The following CYP4F22 variants were observed in gnomAD, a reference collection of about 807,000 sequenced individuals.
CYP4F22 encodes cytochrome P450 family 4 subfamily F member 22.
Under a neutral mutation model 60.4 loss-of-function variants are expected in CYP4F22, and 37 were observed. That is an observed-to-expected ratio of 0.61 (90% CI 0.47 to 0.81). The LOEUF is 0.81. CYP4F22 is among the 30% of genes least tolerant of loss of function. The probability of loss-of-function intolerance (pLI) is 0.00; values close to 1 mark genes in which losing one functional copy is unlikely to be tolerated. For missense variants in CYP4F22, 655 were observed against 715.0 expected, an observed-to-expected ratio of 0.92 and a Z score of 0.96; for synonymous variants, 258 against 280.5, an observed-to-expected ratio of 0.92 and a Z score of 0.80.
chr19:15,537,421 G>A lies in CYP4F22; in HGVS notation c.421+7G>A, dbSNP rs1376036630. 2 of 1,614,216 alleles carry A rather than the reference G, an allele frequency of 1.2e-6. No individual in the cohort carries two copies. Among genetic ancestry groups the A allele is most frequent in the Non-Finnish European group, 8.5e-7 (1 of 1,180,026 alleles). ...TTCCTAAAACCTTGGCTAGGTGAGTGCCCAGTGGGTAGGCTGGGGCTGGGG... is the reference window on the plus strand; with the variant it reads ...TTCCTAAAACCTTGGCTAGGTGAGTACCCAGTGGGTAGGCTGGGGCTGGGG... On this transcript the variant is annotated splice_region_variant and intron_variant, in intron 5 of 13. Transcript: ENST00000269703.
chr19:15,519,475 C>G (rs564599950), intron 1 of CYP4F22, among the ~76,000 whole-genome samples: 1 of 152,228 alleles, frequency 6.6e-6, no homozygotes, highest in East Asian at 1.9e-4. Context: ...GTTGGCCAGG[C>G]TGGTCTCGAA....
intron 1 of CYP4F22, among the ~76,000 whole-genome samples, chr19:15,509,894 TTCCTTCCTTC>T (rs1223850394): frequency 0.022 from 2,602 of 118,686 alleles, 64 homozygotes; most frequent in Middle Eastern, 0.053. Flanking sequence ...CCTTCCTTCC[TTCCTTCCTTC>T]CTTTCTTTCT....
intron 1 of CYP4F22, among the ~76,000 whole-genome samples, chr19:15,519,263 A>ATT (rs773782070): frequency 2.2e-5 from 3 of 139,248 alleles, no homozygotes; most frequent in Non-Finnish European, 3.1e-5. Context: ...TGAGAATGGG[A>ATT]TTTTTTTTTT....
chr19:15,522,833 C>A, intron 1 of CYP4F22, among the ~76,000 whole-genome samples: 1 of 152,094 alleles, frequency 6.6e-6, no homozygotes, highest in East Asian at 1.9e-4. Flanking sequence ...GCCTCAGCCT[C>A]CCGAGTAGCT....
chr19:15,525,212 G>C, intron 2 of CYP4F22, 124 bp from the exon 3 acceptor site: 1 of 885,980 alleles, frequency 1.1e-6, no homozygotes, highest in South Asian at 1.4e-5. Context: ...GGGATGAAGA[G>C]GTATCCTTGG....
intron 1 of CYP4F22, among the ~76,000 whole-genome samples, chr19:15,510,972 T>A (rs1416781432): frequency 5.5e-4 from 72 of 131,488 alleles, no homozygotes; most frequent in East Asian, 2.7e-3. Flanking sequence ...ATATATTTTT[T>A]TTTTTTTTTT....
chr19:15,527,486 C>T (rs1019975922), intron 3 of CYP4F22, among the ~76,000 whole-genome samples: 4 of 152,244 alleles, frequency 2.6e-5, no homozygotes, highest in African/African-American at 7.2e-5. Context: ...TGCCCCATCT[C>T]CAGTGCCCTT....
intron 1 of CYP4F22, among the ~76,000 whole-genome samples, chr19:15,513,115 C>T (rs1164903402): frequency 6.6e-6 from 1 of 151,988 alleles, no homozygotes; most frequent in East Asian, 1.9e-4. Context: ...GTACTTAACT[C>T]GCAGGGGTAC....
rs546066684 is a variant in CYP4F22 at position 15,522,642 on chromosome 19, GGTCACTATTTAGCCTGCGT to G, written c.-108-1049_-108-1031del. On this transcript the variant is annotated intron_variant, in intron 1 of 13. Transcript: ENST00000269703. ...ATTGAGCCGTGATAGTACTCTTTAG[GGTCACTATTTAGCCTGCGT>G]GATAGAGTGAGACCCTGTCTCAAAA... Among the ~76,000 whole-genome samples, 103 of 151,968 alleles carry G rather than the reference GGTCACTATTTAGCCTGCGT, an allele frequency of 6.8e-4. No homozygotes were observed. The Middle Eastern group carries it at 0.01, about 15-fold the overall frequency.
chr19:15,540,492 T>C lies in CYP4F22; in HGVS notation c.714T>C (p.Ala238=). Residue 238 remains alanine (A), a synonymous_variant, in exon 8 of 14, where the codon GCT becomes GCC. Coordinates refer to ENST00000269703, the MANE Select transcript of CYP4F22 (RefSeq NM_173483.4). ...DYISAIIELS[A]LSVRRQYRLH... ...TCTCCGCTATCATTGAACTGAGCGCTCTGTCTGTCCGGCGCCAGTATCGCT... is the reference window on the plus strand; with the variant it reads ...TCTCCGCTATCATTGAACTGAGCGCCCTGTCTGTCCGGCGCCAGTATCGCT... The C allele has an allele frequency of 6.2e-6, 10 of 1,614,158 alleles. No individual in the cohort carries two copies. The highest frequency in any genetic ancestry group is 8.5e-6 in the Non-Finnish European group (10 of 1,180,032).
intron 2 of CYP4F22, 71 bp from the exon 3 acceptor site, chr19:15,525,265 C>G (rs928053644): frequency 4.1e-6 from 6 of 1,461,612 alleles, no homozygotes; most frequent in Admixed American, 3.7e-5. Context: ...GTGCACTAGG[C>G]ACACCATGCA....
intron 10 of CYP4F22, among the ~76,000 whole-genome samples, chr19:15,545,715 T>G (rs532545082): frequency 1.4e-5 from 2 of 145,874 alleles, no homozygotes; most frequent in South Asian, 4.4e-4. Flanking sequence ...GCCGCAACAT[T>G]AAATAGCATC....
chr19:15,509,899 TC>T (rs1356966043), intron 1 of CYP4F22, among the ~76,000 whole-genome samples: 4 of 117,076 alleles, frequency 3.4e-5, no homozygotes, highest in Non-Finnish European at 3.7e-5. Flanking sequence ...CTTCCTTCCT[TC>T]CTTCCTTTCT....
chr19:15,529,673 G>A (rs917104519), intron 3 of CYP4F22, 36 bp from the exon 4 acceptor site: 1 of 1,613,052 alleles, frequency 6.2e-7, no homozygotes, highest in African/African-American at 1.3e-5. Flanking sequence ...GCTGGGGCTG[G>A]GTACCTCCTC....
At chr19:15,526,675 T>A (rs1247328687) in intron 3 of CYP4F22, among the ~76,000 whole-genome samples, 1 of 152,070 alleles carries the variant, frequency 6.6e-6, no homozygotes, top group African/African-American at 2.4e-5. Flanking sequence ...CTAGCCTCCT[T>A]GATCTCAGTT....
At position 15,540,572 on chromosome 19, in the gene CYP4F22, G is replaced by C; in HGVS notation, c.794G>C (p.Arg265Pro). The C allele has an allele frequency of 6.2e-7, 1 of 1,614,190 alleles. No individual in the cohort carries two copies. The highest frequency in any genetic ancestry group is 2.2e-5 in the East Asian group (1 of 44,872). Reference sequence around the variant, plus strand: ...CGCTCGGCGGATGGGCGGAGGTTCCGGCAGGCCTGTGACATGGTGCACCAC... The same window carrying C: ...CGCTCGGCGGATGGGCGGAGGTTCCCGCAGGCCTGTGACATGGTGCACCAC... ...YYRSADGRRF[R>P]QACDMVHHFT... The change falls in exon 8 of 14, where the codon CGG (arginine) becomes CCG (proline). Residue 265 changes from arginine to proline, a missense_variant. Around this residue, in one of 3 missense-constraint regions of CYP4F22, gnomAD observed 430 missense variants for 457.1 expected, o/e 0.94. Coordinates refer to ENST00000269703, the MANE Select transcript of CYP4F22 (RefSeq NM_173483.4).
chr19:15,516,036 G>C (rs1228161492), intron 1 of CYP4F22: 1 of 152,006 alleles, frequency 6.6e-6, no homozygotes, highest in Non-Finnish European at 1.5e-5. Context: ...ACTCGGTCTT[G>C]AAAAATAAAA....
chr19:15,532,114 T>TA (rs201371896), intron 4 of CYP4F22, among the ~76,000 whole-genome samples: 8,332 of 149,344 alleles, frequency 0.056, 267 homozygotes, highest in Middle Eastern at 0.082. Flanking sequence ...CTAAAAAAAT[T>TA]AAAAAAAAAA....
chr19:15,512,680 T>A (rs1028688361), intron 1 of CYP4F22, among the ~76,000 whole-genome samples: 1 of 152,164 alleles, frequency 6.6e-6, no homozygotes, highest in Non-Finnish European at 1.5e-5. Context: ...TTGGTTCAAG[T>A]GATCCTCCCA....
Sources: allele counts gnomAD v4.1 joint callset (sites outside exome capture counted in the v4.1 genomes callset), GRCh38; gene constraint gnomAD v4.1.1; regional missense constraint gnomAD v4.1.1; transcripts MANE v1.5; gene names NCBI Gene and HGNC (gene_info 2026-07-23, HGNC 2026-07-21).